ELP1: variants seen among roughly 807,000 people sequenced by gnomAD.
ELP1 encodes the protein elongator acetyltransferase complex subunit 1.
A neutral mutation model predicts 183.2 loss-of-function variants in ELP1; 131 were observed. The ratio of observed to expected loss-of-function variants is 0.72; its 90% CI spans 0.62 to 0.83. The LOEUF is 0.83. Ranked by LOEUF, ELP1 falls within the 40% of genes least tolerant of loss-of-function variation. The pLI is 0.00. For missense variants in ELP1, 1,550 were observed against 1,594.9 expected (o/e 0.97, Z 0.48); for synonymous variants, 555 against 569.0 (o/e 0.98, Z 0.35).
At chr9:108,920,646 G>T (rs1829613592) in intron 6 of ELP1, among the ~76,000 whole-genome samples, 1 of 151,206 alleles carries the variant, frequency 6.6e-6, no homozygotes, top group Non-Finnish European at 1.5e-5. Context: ...ACAGGCTGAG[G>T]GCTAGAATAA....
At chr9:108,913,972 G>A (rs772643055) in intron 10 of ELP1, among the ~76,000 whole-genome samples, 5 of 152,092 alleles carry the variant, frequency 3.3e-5, no homozygotes, top group Non-Finnish European at 5.9e-5. Flanking sequence ...AAATACTTAC[G>A]TATAATCTCC....
rs533673443 is a variant in ELP1, at chr9:108,877,986, A to C, written c.3855+9T>G. On this transcript the variant is annotated intron_variant, in intron 35 of 36. Transcript: ENST00000374647. Reference sequence around the variant, plus strand: ...GAAAAAAATGCACACCGTCTCTGAGAAAACTTACCGGGGTAGCTGAATTCT... The same window carrying C: ...GAAAAAAATGCACACCGTCTCTGAGCAAACTTACCGGGGTAGCTGAATTCT... 1.2e-4 allele frequency: 190 copies of C among 1,614,222 alleles called. 3 individuals are homozygous for C. In the South Asian group the frequency reaches 2.0e-3, roughly 17 times the overall value.
At chr9:108,930,865 A>T in intron 2 of ELP1, 132 bp downstream of exon 2, 1 of 852,702 alleles carries the variant, frequency 1.2e-6, no homozygotes, top group Non-Finnish European at 1.9e-6. Context: ...CATATATATG[A>T]AGCAAAAGAT....
chr9:108,923,076 A>G (rs1829708763), intron 5 of ELP1, 149 bp from the exon 6 acceptor site: 2 of 726,736 alleles, frequency 2.8e-6, no homozygotes, highest in Non-Finnish European at 5.0e-6. Context: ...TATTTGAGAA[A>G]CCTATGTTTC....
chr9:108,874,908 C>G lies in ELP1; in HGVS notation c.3918G>C (p.Ser1306=). Residue 1306 remains serine, a synonymous_variant, in exon 36 of 37, where the codon TCG becomes TCC. Coordinates refer to ENST00000374647, the MANE Select transcript of ELP1 (RefSeq NM_003640.5). ...IMASYQQQKT[S]VPVLDAELFI... is the part of the protein sequence containing the mutation. ...AAAAATACTAACCAAGAACAGGAAC[C>G]GAAGTCTTCTGTTGCTGATAAGATG... 6.2e-7 allele frequency: 1 copy of G among 1,609,094 alleles called. No homozygotes were observed. Among genetic ancestry groups the G allele is most frequent in the Non-Finnish European group, 8.5e-7 (1 of 1,175,684 alleles).
intron 13 of ELP1, among the ~76,000 whole-genome samples, chr9:108,907,405 G>A (rs901609553): frequency 6.6e-6 from 1 of 152,124 alleles, no homozygotes; most frequent in Non-Finnish European, 1.5e-5. Flanking sequence ...GCATGTAAAT[G>A]CTCTTTAAAA....
intron 10 of ELP1, among the ~76,000 whole-genome samples, chr9:108,912,742 T>C (rs1040924057): frequency 5.3e-5 from 8 of 151,108 alleles, no homozygotes; most frequent in African/African-American, 1.9e-4. Flanking sequence ...TTTATTCATA[T>C]GTTTATTTTC....
chr9:108,906,265 T>C, intron 14 of ELP1, 38 bp downstream of exon 14: 4 of 1,601,872 alleles, frequency 2.5e-6, no homozygotes, highest in Non-Finnish European at 3.4e-6. Context: ...CTAACTCCAT[T>C]TGCTTAACAT....
At chr9:108,927,498 T>C in intron 3 of ELP1, 45 bp from the exon 4 acceptor site, 1 of 1,485,716 alleles carries the variant, frequency 6.7e-7, no homozygotes, top group South Asian at 1.1e-5. Flanking sequence ...CACTAGCATC[T>C]CAGTAAAAAC....
chr9:108,886,826 C>T (rs1828141610), intron 29 of ELP1, among the ~76,000 whole-genome samples: 1 of 151,198 alleles, frequency 6.6e-6, no homozygotes, highest in Admixed American at 6.6e-5. Flanking sequence ...TCCAATAAAG[C>T]TTTATTTACA....
chr9:108,868,980 T>C lies in ELP1; in HGVS notation c.*135A>G, dbSNP rs1827334704. Reference sequence around the variant, plus strand: ...ATTGCTTGTTGTCTGCTGAAGTTCTTGGCAATGCTAAGGTAAGTTATCATT... The same window carrying C: ...ATTGCTTGTTGTCTGCTGAAGTTCTCGGCAATGCTAAGGTAAGTTATCATT... On this transcript the variant is annotated 3_prime_UTR_variant, in exon 37 of 37. Transcript: ENST00000374647. The C allele has an allele frequency of 1.3e-6, 1 of 771,986 alleles. No individual in the cohort carries two copies. Among genetic ancestry groups the C allele is most frequent in the Non-Finnish European group, 2.3e-6 (1 of 426,038 alleles). 47.8% of individuals were successfully genotyped at this position (771,986 alleles called of 1,614,324 possible). A position where few individuals can be genotyped will look rare whatever the true frequency, so the allele number is the denominator to read the frequency against.
Position 108,923,740 on chromosome 9 carries a change from C to T in ELP1, c.467-813G>A, listed in dbSNP as rs1248572052. On this transcript the variant is annotated intron_variant, in intron 5 of 36. Transcript: ENST00000374647. ...GAACACAGGTCTTCTGCCTTCCAGGCTGACTGGGGTTCTTTCTAGATCGTA... is the reference window on the plus strand; with the variant it reads ...GAACACAGGTCTTCTGCCTTCCAGGTTGACTGGGGTTCTTTCTAGATCGTA... Among the ~76,000 whole-genome samples the T allele has an allele frequency of 3.3e-5, 5 of 152,208 alleles. No homozygotes were observed. In the East Asian group the frequency reaches 7.7e-4, roughly 23 times the overall value.
At position 108,906,479 on chromosome 9, in the gene ELP1, C is replaced by T. The variant is rs1189930030; in HGVS notation, c.1467G>A (p.Gln489=). Residue 489 remains glutamine, a synonymous_variant, in exon 14 of 37, where the codon CAG becomes CAA. Transcript: ENST00000374647. ...CATCTTGATCTTCATTATTCTCAAA[C>T]TGGATTCTATTGTAAATATTGAAGA... The part of the protein sequence containing the change: ...TPHLEKRYKI[Q]FENNEDQDVN... 1 of 1,613,106 alleles carries T rather than the reference C, an allele frequency of 6.2e-7. No individual in the cohort carries two copies. Among genetic ancestry groups the T allele is most frequent in the South Asian group, 1.1e-5 (1 of 91,068 alleles).
intron 29 of ELP1, 81 bp downstream of exon 29, chr9:108,889,251 T>C: frequency 6.3e-6 from 8 of 1,275,594 alleles, no homozygotes; most frequent in East Asian, 2.3e-5. Flanking sequence ...ACAGTTCCTT[T>C]AACTTTCATG....
At chr9:108,904,298 C>G (rs984170606) in intron 14 of ELP1, among the ~76,000 whole-genome samples, 1 of 140,932 alleles carries the variant, frequency 7.1e-6, no homozygotes, top group Admixed American at 7.9e-5. Flanking sequence ...GGTTGAAATG[C>G]AGTTGACACA....
At chr9:108,899,190 T>C (rs1300190682) in intron 20 of ELP1, among the ~76,000 whole-genome samples, 1 of 151,648 alleles carries the variant, frequency 6.6e-6, no homozygotes, top group Non-Finnish European at 1.5e-5. Flanking sequence ...ATCCTAGCTA[T>C]GCGGGAGGCT....
At chr9:108,893,890 T>A in intron 26 of ELP1, 53 bp downstream of exon 26, 1 of 1,597,918 alleles carries the variant, frequency 6.3e-7, no homozygotes, top group Non-Finnish European at 8.6e-7. Context: ...ATACCTTGCC[T>A]AGTTCCAAAG....
intron 36 of ELP1, among the ~76,000 whole-genome samples, chr9:108,872,825 A>C (rs974021955): frequency 1.1e-4 from 14 of 122,188 alleles, no homozygotes; most frequent in East Asian, 2.6e-4. Context: ...AAAAAAAAAA[A>C]AAAAAAAAAA....
At chr9:108,920,112 T>C (rs956198092) in intron 6 of ELP1, among the ~76,000 whole-genome samples, 1 of 152,176 alleles carries the variant, frequency 6.6e-6, no homozygotes, top group Admixed American at 6.5e-5. Context: ...AGGCATTATA[T>C]GAAATAGAAC....
Sources: allele counts gnomAD v4.1 joint callset (sites outside exome capture counted in the v4.1 genomes callset), GRCh38; gene constraint gnomAD v4.1.1; transcripts MANE v1.5; gene names NCBI Gene and HGNC (gene_info 2026-07-23, HGNC 2026-07-21).